CNTNAP2: variants seen among roughly 807,000 people sequenced by gnomAD.
CNTNAP2 encodes contactin associated protein 2.
Under a neutral mutation model 155.2 loss-of-function variants are expected in CNTNAP2, and 98 were observed. The observed-to-expected ratio is 0.63, with a 90% CI of 0.54 to 0.75. CNTNAP2 has a LOEUF of 0.75. Ranked by LOEUF, CNTNAP2 falls within the 30% of genes least tolerant of loss-of-function variation. The pLI is 0.00. For synonymous variants in CNTNAP2, 651 were observed against 631.2 expected, an observed-to-expected ratio of 1.03 and a Z score of -0.47; for missense variants, 1,727 against 1,688.1, an observed-to-expected ratio of 1.02 and a Z score of -0.40.
chr7:146,577,643 AATAAAACTCTTGAATATCTAC>A (rs1798545857), intron 1 of CNTNAP2, among the ~76,000 whole-genome samples: 1 of 152,148 alleles, frequency 6.6e-6, no homozygotes, highest in Non-Finnish European at 1.5e-5. Context: ...TTAGTATAAA[AATAAAACTCTTGAATATCTAC>A]ATAAAGGCCA....
intron 5 of CNTNAP2, among the ~76,000 whole-genome samples, chr7:147,112,236 CTT>C (rs1800894093): frequency 1.3e-5 from 2 of 152,166 alleles, no homozygotes; most frequent in African/African-American, 4.8e-5. Context: ...TATCCTGAGA[CTT>C]TGCTGAAGTT....
At chr7:146,296,648 C>A (rs1800518992) in intron 1 of CNTNAP2, among the ~76,000 whole-genome samples, 1 of 151,978 alleles carries the variant, frequency 6.6e-6, no homozygotes, top group Admixed American at 6.6e-5. Flanking sequence ...TCCCATGTCC[C>A]AGTAAAACAC....
chr7:148,328,976 GAAAA>G (rs71188969), intron 21 of CNTNAP2, among the ~76,000 whole-genome samples: 5 of 69,254 alleles, frequency 7.2e-5, no homozygotes, highest in Non-Finnish European at 1.0e-4. Flanking sequence ...ACTCTGTCTG[GAAAA>G]AAAAAAAAAA....
chr7:147,453,315 TC>T (rs1410974366), intron 10 of CNTNAP2, among the ~76,000 whole-genome samples: 20 of 152,136 alleles, frequency 1.3e-4, no homozygotes, highest in Admixed American at 5.9e-4. Context: ...ACACCGGCCT[TC>T]CTGCTTCCCT....
At chr7:147,753,680 T>G (rs764806298) in intron 13 of CNTNAP2, among the ~76,000 whole-genome samples, 1 of 152,156 alleles carries the variant, frequency 6.6e-6, no homozygotes, top group African/African-American at 2.4e-5. Flanking sequence ...GAGAAGTCTC[T>G]TCTTGACATT....
chr7:147,093,831 A>G (rs941577739), intron 4 of CNTNAP2, among the ~76,000 whole-genome samples: 1 of 152,220 alleles, frequency 6.6e-6, no homozygotes, highest in African/African-American at 2.4e-5. Context: ...GTGAAATCAA[A>G]CAAGTTGTGT....
At chr7:146,459,219 T>C (rs1210197000) in intron 1 of CNTNAP2, among the ~76,000 whole-genome samples, 1 of 152,168 alleles carries the variant, frequency 6.6e-6, no homozygotes, top group African/African-American at 2.4e-5. Context: ...TTAAAATTTG[T>C]CCCATGGATG....
At chr7:146,351,758 A>G (rs1794918116) in intron 1 of CNTNAP2, among the ~76,000 whole-genome samples, 2 of 152,170 alleles carry the variant, frequency 1.3e-5, no homozygotes, top group South Asian at 4.1e-4. Flanking sequence ...GCATTATCTA[A>G]GTTCTTCTAA....
chr7:148,285,323 A>G (rs1029873105), intron 21 of CNTNAP2, among the ~76,000 whole-genome samples: 20 of 152,278 alleles, frequency 1.3e-4, no homozygotes, highest in African/African-American at 4.8e-4. Context: ...CACAATTTAT[A>G]CTACTTCTCC....
rs1482101272 is a variant in CNTNAP2, at chr7:146,774,497, C to G, written c.208+116C>G. 3.9e-5 allele frequency: 28 copies of G among 719,578 alleles called. No individual in the cohort carries two copies. The Admixed American group carries it at 5.9e-4, about 15-fold the overall frequency. 44.6% of individuals were successfully genotyped at this position (719,578 alleles called of 1,614,324 possible). A position where few individuals can be genotyped will look rare whatever the true frequency, so the allele number is the denominator to read the frequency against. On this transcript the variant is annotated intron_variant, in intron 2 of 23. Transcript: ENST00000361727. ...ATGTTGGCAGACACCAGAAATCACT[C>G]CTGCCACTTCTATTAAAAGATCCAT...
intron 3 of CNTNAP2, among the ~76,000 whole-genome samples, chr7:146,910,650 C>G (rs934690778): frequency 6.7e-6 from 1 of 149,852 alleles, no homozygotes; most frequent in Non-Finnish European, 1.5e-5. Flanking sequence ...ATACAAAAAT[C>G]AATTCAAGAT....
chr7:146,785,743 C>T (rs1000354636), intron 2 of CNTNAP2, among the ~76,000 whole-genome samples: 7 of 152,176 alleles, frequency 4.6e-5, no homozygotes, highest in African/African-American at 1.7e-4. Context: ...TATTCAGAGT[C>T]ATTAGAGAAT....
intron 14 of CNTNAP2, among the ~76,000 whole-genome samples, chr7:147,955,805 T>G (rs557401812): frequency 1.1e-4 from 17 of 152,292 alleles, no homozygotes; most frequent in African/African-American, 3.6e-4. Context: ...GCACATATCT[T>G]GAGATGCAGG....
intron 17 of CNTNAP2, 55 bp downstream of exon 17, chr7:148,147,764 A>G (rs1805219179): frequency 1.3e-6 from 2 of 1,486,726 alleles, no homozygotes; most frequent in African/African-American, 3.3e-5. Flanking sequence ...AAGAGCCTGC[A>G]CAATACAAAA....
intron 21 of CNTNAP2, among the ~76,000 whole-genome samples, chr7:148,346,168 C>G (rs1456241692): frequency 6.6e-6 from 1 of 152,080 alleles, no homozygotes; most frequent in Admixed American, 6.6e-5. Flanking sequence ...CAGAGCAGAA[C>G]CTGAACTCTG....
At chr7:146,886,845 GA>G (rs1483138945) in intron 3 of CNTNAP2, among the ~76,000 whole-genome samples, 1 of 150,872 alleles carries the variant, frequency 6.6e-6, no homozygotes, top group East Asian at 1.9e-4. Context: ...GTATTTGCTT[GA>G]CTAACACAAG....
intron 10 of CNTNAP2, among the ~76,000 whole-genome samples, chr7:147,484,455 T>C (rs934395456): frequency 1.3e-5 from 2 of 152,228 alleles, no homozygotes; most frequent in Middle Eastern, 3.2e-3. Context: ...CATTTCTTCC[T>C]TGCACTGTAG....
chr7:146,332,210 G>A (rs961402131), intron 1 of CNTNAP2, among the ~76,000 whole-genome samples: 3 of 151,194 alleles, frequency 2.0e-5, no homozygotes, highest in Admixed American at 6.6e-5. Flanking sequence ...ATTATTGAAG[G>A]CCCAAAGTAA....
intron 1 of CNTNAP2, among the ~76,000 whole-genome samples, chr7:146,183,074 GGTATT>G: frequency 6.6e-6 from 1 of 152,196 alleles, no homozygotes; most frequent in East Asian, 1.9e-4. Context: ...TTCTTGGAAT[GGTATT>G]TTTGGACATT....
Sources: allele counts gnomAD v4.1 joint callset (sites outside exome capture counted in the v4.1 genomes callset), GRCh38; gene constraint gnomAD v4.1.1; transcripts MANE v1.5; gene names NCBI Gene and HGNC (gene_info 2026-07-23, HGNC 2026-07-21).